Variants in ADAM12 observed in about 807,000 individuals in gnomAD.
ADAM12 encodes ADAM metallopeptidase domain 12.
A neutral mutation model predicts 106.4 loss-of-function variants in ADAM12; 70 were observed. The ratio of observed to expected loss-of-function variants is 0.66; its 90% confidence interval spans 0.54 to 0.80. The LOEUF (loss-of-function observed/expected upper bound fraction) is 0.80, where lower values mean the gene tolerates loss of function less well. Ranked by LOEUF, ADAM12 falls within the 30% of genes least tolerant of loss-of-function variation. The pLI is 0.00. For missense variants in ADAM12, 1,010 were observed against 1,171.9 expected (o/e 0.86, Z 2.02); for synonymous variants, 420 against 433.5 (o/e 0.97, Z 0.39).
At chr10:126,180,475 T>G (rs984698584) in intron 3 of ADAM12, among the ~76,000 whole-genome samples, 2 of 152,122 alleles carry the variant, frequency 1.3e-5, no homozygotes, top group African/African-American at 4.8e-5. Flanking sequence ...GCTATGCTCA[T>G]GAAAAAGCAT....
chr10:126,036,279 C>G lies in ADAM12; in HGVS notation c.2396G>C (p.Arg799Thr). ...LLQCQNVDIS[R>T]PLNGLNVPQP... ...AGGGACATTCAGGCCGTTGAGGGGTCTGCTGATGTCAACATTCTGACACTG... is the reference window on the plus strand; with the variant it reads ...AGGGACATTCAGGCCGTTGAGGGGTGTGCTGATGTCAACATTCTGACACTG... The change falls in exon 21 of 23, where the codon AGA becomes ACA. Residue 799 changes from arginine (R) to threonine (T), a missense_variant. Coordinates refer to ENST00000448723, the MANE Select transcript of ADAM12 (RefSeq NM_001288973.2). 1 of 1,561,620 alleles carries G rather than the reference C, an allele frequency of 6.4e-7. No homozygotes were observed. Among genetic ancestry groups the G allele is most frequent in the Non-Finnish European group, 8.6e-7 (1 of 1,160,578 alleles).
intron 1 of ADAM12, among the ~76,000 whole-genome samples, chr10:126,349,160 G>A (rs959806290): frequency 6.6e-6 from 1 of 152,134 alleles, no homozygotes; most frequent in Non-Finnish European, 1.5e-5. Context: ...TATTTGAGGG[G>A]GAAAAGGATC....
chr10:126,054,575 C>T (rs1186711862), intron 14 of ADAM12, among the ~76,000 whole-genome samples: 1 of 152,162 alleles, frequency 6.6e-6, no homozygotes, highest in Non-Finnish European at 1.5e-5. Context: ...TTTAGATTGC[C>T]CCCTCCTGTC....
At chr10:126,125,828 A>C (rs945076455) in intron 5 of ADAM12, among the ~76,000 whole-genome samples, 2 of 151,786 alleles carry the variant, frequency 1.3e-5, no homozygotes, top group Non-Finnish European at 2.9e-5. Context: ...ACATGTCCTT[A>C]GAAGAGACCG....
At chr10:126,231,745 G>C (rs1009714190) in intron 3 of ADAM12, among the ~76,000 whole-genome samples, 1 of 152,076 alleles carries the variant, frequency 6.6e-6, no homozygotes, top group Non-Finnish European at 1.5e-5. Flanking sequence ...CTCCTGCCTC[G>C]GGGCGGCTGC....
At chr10:126,228,077 A>G (rs968212464) in intron 3 of ADAM12, among the ~76,000 whole-genome samples, 4 of 152,192 alleles carry the variant, frequency 2.6e-5, no homozygotes, top group Non-Finnish European at 4.4e-5. Context: ...GGCCCCAGAC[A>G]CTGCCAGTCC....
intron 1 of ADAM12, among the ~76,000 whole-genome samples, chr10:126,334,201 G>A (rs985453911): frequency 5.3e-5 from 8 of 152,172 alleles, no homozygotes; most frequent in East Asian, 3.9e-4. Flanking sequence ...TTATAAACAC[G>A]GGACCTGAAT....
Position 126,206,860 on chromosome 10 carries a change from C to CCAGG in ADAM12, c.261-51556_261-51555insCCTG, listed in dbSNP as rs1957806969. Reference sequence around the variant, plus strand: ...CCTGAATTCCCATGTGTTGTGGGGGCGGGGGGGAGCCAGTGGGAGGTAATT... The same window carrying CCAGG: ...CCTGAATTCCCATGTGTTGTGGGGGCCAGGGGGGGGGAGCCAGTGGGAGGTAATT... On this transcript the variant is annotated intron_variant, in intron 3 of 22. Coordinates refer to ENST00000448723, the MANE Select transcript of ADAM12 (RefSeq NM_001288973.2). Among the ~76,000 whole-genome samples the CCAGG allele has an allele frequency of 1.5e-3, 142 of 97,744 alleles. 3 individuals are homozygous for CCAGG. Among genetic ancestry groups the CCAGG allele is most frequent in the Non-Finnish European group, 2.2e-3 (107 of 47,800 alleles). 64.1% of individuals were successfully genotyped at this position (97,744 alleles called of 152,430 possible). A position where few individuals can be genotyped will look rare whatever the true frequency, so the allele number is the denominator to read the frequency against.
chr10:126,219,281 G>A (rs577806263), intron 3 of ADAM12, among the ~76,000 whole-genome samples: 5 of 152,304 alleles, frequency 3.3e-5, no homozygotes, highest in African/African-American at 7.2e-5. Context: ...CGTCCTTAGC[G>A]CCTCGAACAG....
At chr10:126,137,286 AT>A (rs1956422706) in intron 4 of ADAM12, among the ~76,000 whole-genome samples, 1 of 152,098 alleles carries the variant, frequency 6.6e-6, no homozygotes, top group Non-Finnish European at 1.5e-5. Context: ...ACAGACATCC[AT>A]TTGTCTGTTT....
intron 3 of ADAM12, among the ~76,000 whole-genome samples, chr10:126,248,685 G>GTATGTATTTATTTATT (rs1291820531): frequency 2.4e-3 from 163 of 67,082 alleles, no homozygotes; most frequent in African/African-American, 7.1e-3. Flanking sequence ...ATGTATGTAT[G>GTATGTATTTATTTATT]TATTTATTTA....
At chr10:126,046,760 G>A (rs1313815984) in intron 16 of ADAM12, among the ~76,000 whole-genome samples, 2 of 133,548 alleles carry the variant, frequency 1.5e-5, no homozygotes, top group Middle Eastern at 4.9e-3. Context: ...CCGAGATCAT[G>A]CTACTGCACT....
At chr10:126,035,612 TATC>T (rs1354537827) in intron 21 of ADAM12, among the ~76,000 whole-genome samples, 1 of 152,224 alleles carries the variant, frequency 6.6e-6, no homozygotes, top group African/African-American at 2.4e-5. Context: ...TATTGTGAAA[TATC>T]ATTCGTTATT....
chr10:126,283,053 G>A (rs1014520243), intron 2 of ADAM12, among the ~76,000 whole-genome samples: 1 of 151,886 alleles, frequency 6.6e-6, no homozygotes, highest in Admixed American at 6.6e-5. Flanking sequence ...ATGGAAGACA[G>A]TGACAGATCA....
chr10:126,013,972 C>T lies in ADAM12; in HGVS notation c.*3307G>A. 1 of 152,636 alleles carries T rather than the reference C, an allele frequency of 6.6e-6. No homozygotes were observed. The allele number at this position is 152,636 out of a possible 1,614,324, so 9.5% of individuals were successfully genotyped here. Reference sequence around the variant, plus strand: ...CTGGGTAACTGGTGTCTGGCTGAGGCCATCTTGAGCGCAGTGAGGAAGGAT... The same window carrying T: ...CTGGGTAACTGGTGTCTGGCTGAGGTCATCTTGAGCGCAGTGAGGAAGGAT... On this transcript the variant is annotated 3_prime_UTR_variant, in exon 23 of 23. Coordinates refer to ENST00000448723, the MANE Select transcript of ADAM12 (RefSeq NM_001288973.2). The surrounding 1 kb of genome is among the most constrained non-coding windows in gnomAD (Gnocchi z 4.3).
In ADAM12 at chr10:126,330,172, C is replaced by A. The variant is rs145337612; in HGVS notation, c.186+240G>T. 7.9e-5 allele frequency among the ~76,000 whole-genome samples: 12 copies of A among 152,190 alleles called. No homozygotes were observed. The East Asian group carries it at 2.3e-3, about 29-fold the overall frequency. On this transcript the variant is annotated intron_variant, in intron 2 of 22. Coordinates refer to ENST00000448723, the MANE Select transcript of ADAM12 (RefSeq NM_001288973.2). ...AAGTTGTATATCTGGGACTGTAACCCCTGGTTTTTGTTCAAAAACTAATTT... is the reference window on the plus strand; with the variant it reads ...AAGTTGTATATCTGGGACTGTAACCACTGGTTTTTGTTCAAAAACTAATTT...
At chr10:126,271,026 A>G (rs1959172519) in intron 3 of ADAM12, among the ~76,000 whole-genome samples, 1 of 152,136 alleles carries the variant, frequency 6.6e-6, no homozygotes, top group Non-Finnish European at 1.5e-5. Context: ...GCAAACATCC[A>G]TGAACACCCC....
intron 14 of ADAM12, among the ~76,000 whole-genome samples, chr10:126,060,805 G>A (rs1954739140): frequency 6.6e-6 from 1 of 152,214 alleles, no homozygotes; most frequent in Non-Finnish European, 1.5e-5. Flanking sequence ...ATCCAGGCAG[G>A]AGTGCACAGG....
chr10:126,118,310 G>T, intron 5 of ADAM12, 86 bp from the exon 6 acceptor site: 1 of 958,088 alleles, frequency 1.0e-6, no homozygotes, highest in Non-Finnish European at 1.5e-6. Context: ...ACAAGAGAGA[G>T]AATGAAAACA....
Sources: allele counts gnomAD v4.1 joint callset (sites outside exome capture counted in the v4.1 genomes callset), GRCh38; gene constraint gnomAD v4.1.1; non-coding constraint Gnocchi (gnomAD v3.1); transcripts MANE v1.5; gene names NCBI Gene and HGNC (gene_info 2026-07-23, HGNC 2026-07-21).